SH3GL3: variants seen among roughly 807,000 people sequenced by gnomAD.
SH3GL3 encodes SH3 domain containing GRB2 like 3, endophilin A3, also known as endophilin-A3.
A neutral mutation model predicts 47.7 loss-of-function variants in SH3GL3; 33 were observed. The observed-to-expected ratio is 0.69, with a 90% confidence interval of 0.52 to 0.92. SH3GL3 has a LOEUF of 0.92. Among genes scored for constraint, SH3GL3 ranks in the 40% least tolerant of loss-of-function variants. SH3GL3 has a pLI of 0.00. For missense variants in SH3GL3, 363 were observed against 417.8 expected, an observed-to-expected ratio of 0.87 and a Z score of 1.14; for synonymous variants, 155 against 148.8, an observed-to-expected ratio of 1.04 and a Z score of -0.30.
chr15:83,614,766 C>A (rs1324702521), intron 8 of SH3GL3, among the ~76,000 whole-genome samples: 1 of 152,140 alleles, frequency 6.6e-6, no homozygotes, highest in South Asian at 2.1e-4. Context: ...GAGATATAGG[C>A]GCTACTCCAT....
chr15:83,476,687 T>C (rs2041113595), intron 1 of SH3GL3, among the ~76,000 whole-genome samples: 1 of 152,274 alleles, frequency 6.6e-6, no homozygotes, highest in Admixed American at 6.5e-5. Flanking sequence ...AACACAGCCA[T>C]GCTCATTTAC....
chr15:83,506,630 G>T (rs1212996728), intron 1 of SH3GL3, among the ~76,000 whole-genome samples: 1 of 152,132 alleles, frequency 6.6e-6, no homozygotes, highest in East Asian at 1.9e-4. Flanking sequence ...TCTGTGACTT[G>T]TTAGAAATTA....
chr15:83,596,000 GTGTT>G (rs1219917466), intron 8 of SH3GL3, among the ~76,000 whole-genome samples: 2 of 152,026 alleles, frequency 1.3e-5, no homozygotes, highest in African/African-American at 2.4e-5. Flanking sequence ...TCCGATATAT[GTGTT>G]TAGCGCTATC....
At chr15:83,598,002 C>T (rs1388032680) in intron 8 of SH3GL3, among the ~76,000 whole-genome samples, 1 of 152,218 alleles carries the variant, frequency 6.6e-6, no homozygotes, top group Non-Finnish European at 1.5e-5. Context: ...GTTTCTCATA[C>T]ATTGATGATT....
chr15:83,506,097 C>T (rs548095415), intron 1 of SH3GL3, among the ~76,000 whole-genome samples: 11 of 151,906 alleles, frequency 7.2e-5, no homozygotes, highest in South Asian at 4.2e-4. Context: ...AGGTTTTTTT[C>T]GTAGTTGATT....
At chr15:83,504,425 C>T (rs888045131) in intron 1 of SH3GL3, among the ~76,000 whole-genome samples, 9 of 152,286 alleles carry the variant, frequency 5.9e-5, no homozygotes, top group Admixed American at 3.3e-4. Context: ...TGGGCCAGTG[C>T]GACCAATAGA....
At chr15:83,526,409 C>T (rs1261030720) in intron 1 of SH3GL3, among the ~76,000 whole-genome samples, 1 of 152,220 alleles carries the variant, frequency 6.6e-6, no homozygotes, top group African/African-American at 2.4e-5. Flanking sequence ...GGCATGGAAT[C>T]AACCTAAATG....
chr15:83,583,593 G>A (rs1250810577), intron 6 of SH3GL3, among the ~76,000 whole-genome samples: 1 of 152,030 alleles, frequency 6.6e-6, no homozygotes, highest in East Asian at 1.9e-4. Context: ...TCTATTCTCT[G>A]TTTCCATCCC....
chr15:83,579,502 C>CCTTCCTG (rs1178682414), intron 6 of SH3GL3, among the ~76,000 whole-genome samples: 3 of 152,320 alleles, frequency 2.0e-5, no homozygotes, highest in Admixed American at 6.5e-5. Context: ...GCTCTTCCCT[C>CCTTCCTG]CTTCCTGCTT....
intron 1 of SH3GL3, among the ~76,000 whole-genome samples, chr15:83,476,326 G>T (rs957847774): frequency 1.3e-5 from 2 of 152,146 alleles, no homozygotes. Flanking sequence ...AAATATTTGT[G>T]TTTGTATTTG....
Position 83,447,621 on chromosome 15 carries a change from G to A in SH3GL3, c.45+43G>A. On this transcript the variant is annotated intron_variant, in intron 1 of 8. Transcript: ENST00000427482. This position sits in a 1 kb window ranked among gnomAD's most constrained non-coding sequence, Gnocchi z 5.1. ...AGGGAAGGAGGGAGGGGGACGCGGA[G>A]GCTGCGGCCCCCCGAGGCTCCCGGG... 1 of 1,388,854 alleles carries A rather than the reference G, an allele frequency of 7.2e-7. No homozygotes were observed. Among genetic ancestry groups the A allele is most frequent in the African/African-American group, 1.5e-5 (1 of 66,754 alleles). 86.0% of individuals were successfully genotyped at this position (1,388,854 alleles called of 1,614,324 possible).
chr15:83,531,141 G>A (rs1167469061), intron 1 of SH3GL3, among the ~76,000 whole-genome samples: 3 of 152,198 alleles, frequency 2.0e-5, no homozygotes, highest in Non-Finnish European at 2.9e-5. Context: ...TGGTCAGAGG[G>A]CCTACTACTT....
intron 8 of SH3GL3, among the ~76,000 whole-genome samples, chr15:83,612,159 C>T (rs2151846497): frequency 6.6e-6 from 1 of 152,288 alleles, no homozygotes; most frequent in African/African-American, 2.4e-5. Flanking sequence ...CAGATTTAAA[C>T]ACAGTCAATT....
chr15:83,552,516 T>C (rs540718719), intron 1 of SH3GL3, among the ~76,000 whole-genome samples: 2 of 152,332 alleles, frequency 1.3e-5, no homozygotes, highest in East Asian at 3.9e-4. Context: ...ACATGCTCTA[T>C]ATGGTATTGA....
intron 5 of SH3GL3, among the ~76,000 whole-genome samples, 153 bp from the exon 6 acceptor site, chr15:83,576,430 G>A (rs1297417750): frequency 5.9e-5 from 9 of 152,188 alleles, no homozygotes; most frequent in African/African-American, 9.7e-5. Context: ...GCCTCCATCA[G>A]GTGCTGAGGT....
At chr15:83,575,796 G>C (rs1325912233) in intron 5 of SH3GL3, among the ~76,000 whole-genome samples, 1 of 152,074 alleles carries the variant, frequency 6.6e-6, no homozygotes, top group Non-Finnish European at 1.5e-5. Context: ...ATACACTTTC[G>C]ATGCCTGGTA....
At chr15:83,460,179 C>T (rs2040223804) in intron 1 of SH3GL3, among the ~76,000 whole-genome samples, 1 of 150,058 alleles carries the variant, frequency 6.7e-6, no homozygotes, top group Admixed American at 6.7e-5. Flanking sequence ...TAGCTCACTG[C>T]AGCCTTGACC....
intron 1 of SH3GL3, among the ~76,000 whole-genome samples, chr15:83,455,196 T>C (rs978339049): frequency 2.0e-5 from 1 of 49,282 alleles, no homozygotes; most frequent in Non-Finnish European, 3.9e-5. Context: ...TCTGATGGGC[T>C]TTCCTTTGAG....
intron 1 of SH3GL3, among the ~76,000 whole-genome samples, chr15:83,511,445 T>C (rs2042744207): frequency 6.6e-6 from 1 of 152,196 alleles, no homozygotes; most frequent in Non-Finnish European, 1.5e-5. Flanking sequence ...CAAATCTGAA[T>C]TTACGTGACG....
Sources: gnomAD v4.1 joint callset for allele counts (sites outside exome capture counted in the v4.1 genomes callset) on GRCh38, gnomAD v4.1.1 for gene constraint, Gnocchi (gnomAD v3.1) non-coding constraint, MANE v1.5 for transcripts, NCBI Gene and HGNC (gene_info 2026-07-23, HGNC 2026-07-21) for gene names.